GABRR3: variants seen among roughly 807,000 people sequenced by gnomAD.
GABRR3 encodes the protein gamma-aminobutyric acid type A receptor subunit rho3, also known as gamma-aminobutyric acid receptor subunit rho-3.
Under a neutral mutation model 43.2 loss-of-function variants are expected in GABRR3, and 29 were observed. The ratio of observed to expected loss-of-function variants is 0.67; its 90% CI spans 0.50 to 0.92. GABRR3 has a LOEUF of 0.92. Ranked by LOEUF, GABRR3 falls within the 40% of genes least tolerant of loss-of-function variation. The pLI is 0.00. For synonymous variants in GABRR3, 206 were observed against 195.9 expected (o/e 1.05, Z -0.43); for missense variants, 576 against 572.3 (o/e 1.01, Z -0.07).
chr3:98,032,862 GA>G (rs879298556), intron 2 of GABRR3, among the ~76,000 whole-genome samples: 2 of 152,094 alleles, frequency 1.3e-5, no homozygotes, highest in Non-Finnish European at 2.9e-5. Context: ...TTGCATTATA[GA>G]AGAGTGGATT....
Position 98,007,879 on chromosome 3 carries a change from C to CATTAGGTCCAGTCA in GABRR3, c.638_639insTGACTGGACCTAAT (p.Met213IlefsTer5). ...ACTTGTTTCCGTGTTTCCAGTATAG[C>CATTAGGTCCAGTCA]ATTAGGTCATCCTCATTGTAGGCAT... On this transcript the variant is annotated stop_gained and frameshift_variant, in exon 7 of 10. Coordinates refer to ENST00000621172, the Ensembl canonical transcript of GABRR3. LOFTEE classifies it high-confidence loss of function. 1 of 1,590,946 alleles carries CATTAGGTCCAGTCA rather than the reference C, an allele frequency of 6.3e-7. No individual in the cohort carries two copies. Among genetic ancestry groups the CATTAGGTCCAGTCA allele is most frequent in the Non-Finnish European group, 8.6e-7 (1 of 1,168,112 alleles).
intron 5 of GABRR3, among the ~76,000 whole-genome samples, chr3:98,011,113 C>G (rs1259230908): frequency 1.3e-5 from 2 of 152,014 alleles, no homozygotes; most frequent in African/African-American, 2.4e-5. Flanking sequence ...CCCAACCCCC[C>G]CAAAAAACCC....
intron 2 of GABRR3, 88 bp from the exon 3 acceptor site, chr3:98,025,767 A>G (rs832041): frequency 0.32 from 243,001 of 763,150 alleles, 40,268 homozygotes; most frequent in East Asian, 0.43. Context: ...GCTCAACATA[A>G]CATGTTCTGA....
intron 2 of GABRR3, among the ~76,000 whole-genome samples, chr3:98,034,196 G>A (rs912706078): frequency 6.6e-5 from 10 of 152,094 alleles, no homozygotes; most frequent in African/African-American, 2.2e-4. Flanking sequence ...AATCATTCCA[G>A]TATGCCTGGG....
At chr3:98,016,804 C>T (rs1308017294) in intron 4 of GABRR3, among the ~76,000 whole-genome samples, 2 of 152,118 alleles carry the variant, frequency 1.3e-5, no homozygotes, top group South Asian at 2.1e-4. Flanking sequence ...AACTGAAAAA[C>T]CTAAAATCAC....
At chr3:97,995,641 T>C (rs575677778) in intron 8 of GABRR3, among the ~76,000 whole-genome samples, 29 of 151,464 alleles carry the variant, frequency 1.9e-4, no homozygotes, top group African/African-American at 6.5e-4. Context: ...GAGGAGGGAT[T>C]GTTGGGTAGG....
intron 3 of GABRR3, 90 bp from the exon 4 acceptor site, chr3:98,017,812 G>T: frequency 1.2e-6 from 1 of 868,570 alleles, no homozygotes; most frequent in Non-Finnish European, 1.8e-6. Flanking sequence ...CTCTTGGACA[G>T]CAACTGAATT....
intron 6 of GABRR3, among the ~76,000 whole-genome samples, chr3:98,008,711 C>T (rs832031): frequency 0.75 from 113,261 of 150,612 alleles, 43,338 homozygotes; most frequent in East Asian, 0.99. Flanking sequence ...GTGGAAACTA[C>T]AGAATATGCA....
intron 2 of GABRR3, among the ~76,000 whole-genome samples, chr3:98,034,447 A>C (rs575505723): frequency 1.3e-5 from 2 of 152,288 alleles, no homozygotes. Flanking sequence ...TCATCAATCC[A>C]TGAAACTATA....
intron 8 of GABRR3, chr3:98,000,104 A>C (rs1444100443): frequency 1.3e-5 from 2 of 152,084 alleles, no homozygotes; most frequent in Non-Finnish European, 2.9e-5. Flanking sequence ...TCTTAAAATA[A>C]TTTTTTTAAA....
intron 3 of GABRR3, among the ~76,000 whole-genome samples, chr3:98,021,274 T>C (rs1706943137): frequency 6.6e-6 from 1 of 152,108 alleles, no homozygotes; most frequent in African/African-American, 2.4e-5. Flanking sequence ...GTGAGCAGCA[T>C]GTAAAGCCAA....
At chr3:97,994,093 G>T (rs1295192216) in intron 8 of GABRR3, among the ~76,000 whole-genome samples, 1 of 152,212 alleles carries the variant, frequency 6.6e-6, no homozygotes, top group African/African-American at 2.4e-5. Context: ...AGGTGCAAAT[G>T]GAATCGCTAA....
intron 2 of GABRR3, among the ~76,000 whole-genome samples, chr3:98,027,773 A>G (rs1707041685): frequency 6.6e-6 from 1 of 152,236 alleles, no homozygotes; most frequent in African/African-American, 2.4e-5. Flanking sequence ...ATATATTTAA[A>G]TAGACATTTA....
chr3:98,030,197 C>A (rs1707071349), intron 2 of GABRR3, among the ~76,000 whole-genome samples: 1 of 151,230 alleles, frequency 6.6e-6, no homozygotes. Flanking sequence ...CCTAGAAATT[C>A]ATCTCAAGAA....
chr3:98,033,803 C>T (rs1161579090), intron 2 of GABRR3, among the ~76,000 whole-genome samples: 2 of 152,126 alleles, frequency 1.3e-5, no homozygotes, highest in Non-Finnish European at 2.9e-5. Context: ...CATATCATCT[C>T]AGGTCTGGGT....
rs745429124 is a variant in GABRR3, at chr3:98,001,603, G to A, written c.907+12C>T. ...CCATGTTAACATTTTATAAAGATGG[G>A]GAAAGATTTACCCAGGGAAACTCTT... On this transcript the variant is annotated intron_variant, in intron 8 of 9. Coordinates refer to ENST00000621172, the Ensembl canonical transcript of GABRR3. The A allele has an allele frequency of 6.2e-7, 1 of 1,612,200 alleles. No homozygotes were observed. Among genetic ancestry groups the A allele is most frequent in the East Asian group, 2.2e-5 (1 of 44,866 alleles).
intron 3 of GABRR3, among the ~76,000 whole-genome samples, chr3:98,020,461 A>AAAAG (rs1348792291): frequency 6.6e-6 from 1 of 151,452 alleles, no homozygotes; most frequent in Admixed American, 6.6e-5. Context: ...AATCTTCAAA[A>AAAAG]AAAAAAAAAA....
intron 5 of GABRR3, among the ~76,000 whole-genome samples, chr3:98,010,865 C>T (rs373320213): frequency 6.6e-5 from 10 of 152,080 alleles, no homozygotes; most frequent in South Asian, 4.2e-4. Context: ...TTTGGGGGGC[C>T]GAGGCGGGCA....
chr3:98,034,846 C>A lies in GABRR3; in HGVS notation c.125+17G>T, dbSNP rs766071244. On this transcript the variant is annotated intron_variant, in intron 2 of 9. Transcript: ENST00000621172. ...AACTGGGCAGTAATTCCATGGACTG[C>A]ACTATGAGCATCTTACCAGGTTTGT... The A allele has an allele frequency of 3.1e-6, 5 of 1,612,476 alleles. No homozygotes were observed. The East Asian group carries it at 8.9e-5, about 29-fold the overall frequency.
Sources: gnomAD v4.1 joint callset for allele counts (sites outside exome capture counted in the v4.1 genomes callset) on GRCh38, gnomAD v4.1.1 for gene constraint, MANE v1.5 for transcripts, NCBI Gene and HGNC (gene_info 2026-07-23, HGNC 2026-07-21) for gene names.